Variants in SDK1 observed in about 807,000 individuals in gnomAD.
SDK1 encodes the protein protein sidekick-1.
SDK1 carries 157 observed loss-of-function variants against 245.5 expected under a neutral mutation model. The ratio of observed to expected loss-of-function variants is 0.64; its 90% CI spans 0.56 to 0.73. The LOEUF is 0.73. SDK1 is among the 30% of genes least tolerant of loss of function. The pLI is 0.00. For missense variants in SDK1, 3,583 were observed against 3,002.3 expected (o/e 1.19, Z -4.52); for synonymous variants, 1,647 against 1,278.5 (o/e 1.29, Z -6.15).
At chr7:3,803,745 CTTTTTTTT>C (rs60802259) in intron 4 of SDK1, among the ~76,000 whole-genome samples, 4 of 119,978 alleles carry the variant, frequency 3.3e-5, no homozygotes, top group Non-Finnish European at 6.9e-5. Flanking sequence ...GTATTTTCCT[CTTTTTTTT>C]TTTTTTTTTT....
At chr7:4,118,297 A>G (rs1481261817) in intron 25 of SDK1, among the ~76,000 whole-genome samples, 3 of 152,264 alleles carry the variant, frequency 2.0e-5, no homozygotes, top group African/African-American at 7.2e-5. Context: ...AAGGAGATTT[A>G]CAAATGGCCA....
rs542229487 is a variant in SDK1 at position 4,174,557 on chromosome 7, C to T, written c.4936+200C>T. On this transcript the variant is annotated intron_variant, in intron 33 of 44. Coordinates refer to ENST00000404826, the MANE Select transcript of SDK1 (RefSeq NM_152744.4). ...GGTGTGCGGCAGGTGGGTGCAGCTG[C>T]GGAGGCAGAGGGGCCTTGTCTACCA... Among the ~76,000 whole-genome samples, 320 of 152,292 alleles carry T rather than the reference C, an allele frequency of 2.1e-3. 4 individuals carry two copies. The highest frequency in any genetic ancestry group is 7.2e-3 in the African/African-American group (299 of 41,564).
chr7:3,332,274 C>A (rs1445669460), intron 1 of SDK1, among the ~76,000 whole-genome samples: 1 of 152,098 alleles, frequency 6.6e-6, no homozygotes, highest in East Asian at 1.9e-4. Context: ...CAGGGCGTGG[C>A]TTACTTATAA....
intron 1 of SDK1, among the ~76,000 whole-genome samples, chr7:3,354,066 C>T (rs551038485): frequency 6.6e-5 from 10 of 151,184 alleles, no homozygotes; most frequent in East Asian, 1.9e-4. Flanking sequence ...GATCTCGGCT[C>T]GCTGCAAGCT....
chr7:3,560,565 G>A (rs1284575231), intron 1 of SDK1, among the ~76,000 whole-genome samples: 1 of 152,056 alleles, frequency 6.6e-6, no homozygotes. Context: ...CTGGATTCCT[G>A]CACTGGGTTT....
chr7:4,100,846 C>T (rs938605109), intron 22 of SDK1, among the ~76,000 whole-genome samples: 13 of 152,248 alleles, frequency 8.5e-5, no homozygotes, highest in African/African-American at 2.6e-4. Flanking sequence ...GAATTGGAGT[C>T]GGGTGAGATG....
Position 3,790,024 on chromosome 7 carries a change from G to C in SDK1, c.714-31426G>C, listed in dbSNP as rs10232460. On this transcript the variant is annotated intron_variant, in intron 4 of 44. Transcript: ENST00000404826. ...CCTGCCACCACCTCTCCCCCTTCCC[G>C]AGGACCAAATAGTTATTCAGCGGAG... Among the ~76,000 whole-genome samples the C allele has an allele frequency of 5.6e-3, 848 of 152,166 alleles. 9 individuals carry two copies. Among genetic ancestry groups the C allele is most frequent in the African/African-American group, 0.02 (815 of 41,520 alleles).
At chr7:3,741,349 C>T (rs958767507) in intron 4 of SDK1, among the ~76,000 whole-genome samples, 5 of 152,188 alleles carry the variant, frequency 3.3e-5, no homozygotes, top group Admixed American at 2.0e-4. Flanking sequence ...TCTCCCAGCT[C>T]CCAGGGGATG....
chr7:3,964,602 G>T (rs1781953810), intron 9 of SDK1, among the ~76,000 whole-genome samples: 1 of 152,092 alleles, frequency 6.6e-6, no homozygotes. Context: ...GGTTTTCATT[G>T]TTTCTGTGGG....
chr7:3,574,156 A>T (rs1406780698), intron 1 of SDK1, among the ~76,000 whole-genome samples: 1 of 149,596 alleles, frequency 6.7e-6, no homozygotes, highest in African/African-American at 2.5e-5. Flanking sequence ...TCACTCTGTC[A>T]CCTGGGCTAG....
chr7:3,803,540 A>T (rs555473737), intron 4 of SDK1, among the ~76,000 whole-genome samples: 36 of 151,602 alleles, frequency 2.4e-4, no homozygotes, highest in African/African-American at 8.2e-4. Flanking sequence ...CAAACTCCTG[A>T]CCTCAAGTGA....
intron 1 of SDK1, among the ~76,000 whole-genome samples, chr7:3,352,381 C>T (rs1000497406): frequency 6.6e-6 from 1 of 151,928 alleles, no homozygotes; most frequent in African/African-American, 2.4e-5. Context: ...ATTGTTTGAG[C>T]TAAATGGGGG....
chr7:3,349,260 T>A (rs137902375), intron 1 of SDK1, among the ~76,000 whole-genome samples: 1 of 152,134 alleles, frequency 6.6e-6, no homozygotes, highest in Non-Finnish European at 1.5e-5. Context: ...CCTTTGACTT[T>A]ATGAGGGCTG....
intron 4 of SDK1, among the ~76,000 whole-genome samples, chr7:3,719,171 A>G (rs1169181110): frequency 6.6e-6 from 1 of 152,088 alleles, no homozygotes; most frequent in Non-Finnish European, 1.5e-5. Context: ...GAAATTTACA[A>G]AATGCTGAGA....
intron 4 of SDK1, among the ~76,000 whole-genome samples, chr7:3,688,030 G>A (rs984350253): frequency 2.0e-5 from 3 of 152,198 alleles, no homozygotes; most frequent in Non-Finnish European, 2.9e-5. Flanking sequence ...GGATTTCCAA[G>A]AGGAAACTAC....
intron 4 of SDK1, among the ~76,000 whole-genome samples, chr7:3,742,181 T>A (rs1779497582): frequency 6.6e-6 from 1 of 151,434 alleles, no homozygotes; most frequent in Admixed American, 6.6e-5. Flanking sequence ...TTCTTCCCTT[T>A]CCTCCCCAAT....
chr7:3,403,002 T>A (rs1241271567), intron 1 of SDK1, among the ~76,000 whole-genome samples: 1 of 152,178 alleles, frequency 6.6e-6, no homozygotes, highest in Non-Finnish European at 1.5e-5. Context: ...TGGTGCTATC[T>A]CGGCTCACTG....
chr7:4,232,130 A>G lies in SDK1; in HGVS notation c.5828-1125A>G, dbSNP rs79825366. On this transcript the variant is annotated intron_variant, in intron 40 of 44. Transcript: ENST00000404826. ...GTACAGCACTTACTATGTGTGAGGC[A>G]CTGTCCTAAGCACTTTATAAATATT... Among the ~76,000 whole-genome samples, 1,397 of 149,102 alleles carry G rather than the reference A, an allele frequency of 9.4e-3. 20 individuals carry two copies. Among genetic ancestry groups the G allele is most frequent in the African/African-American group, 0.033 (1,353 of 40,660 alleles).
chr7:3,991,110 T>C (rs974106096), intron 14 of SDK1, among the ~76,000 whole-genome samples: 1 of 152,142 alleles, frequency 6.6e-6, no homozygotes, highest in Non-Finnish European at 1.5e-5. Context: ...GGTACGTACA[T>C]AGTGATGTGA....
Sources: allele counts gnomAD v4.1 joint callset (sites outside exome capture counted in the v4.1 genomes callset), GRCh38; gene constraint gnomAD v4.1.1; transcripts MANE v1.5; gene names NCBI Gene and HGNC (gene_info 2026-07-23, HGNC 2026-07-21).